Variants in BTBD7 observed in about 807,000 individuals in gnomAD.
BTBD7 encodes the protein BTB domain containing 7.
A neutral mutation model predicts 99.9 loss-of-function variants in BTBD7; 38 were observed. The ratio of observed to expected loss-of-function variants is 0.38; its 90% confidence interval spans 0.29 to 0.50. The LOEUF (loss-of-function observed/expected upper bound fraction) is 0.50. Ranked by LOEUF, BTBD7 falls within the 20% of genes least tolerant of loss-of-function variation. The probability of loss-of-function intolerance (pLI) is 0.93; values close to 1 mark genes in which losing one functional copy is unlikely to be tolerated. For missense variants in BTBD7, 1,170 were observed against 1,394.6 expected (o/e 0.84, Z 2.57); for synonymous variants, 520 against 511.4 (o/e 1.02, Z -0.23).
chr14:93,261,745 T>C, intron 4 of BTBD7, 68 bp from the exon 5 acceptor site: 2 of 1,172,744 alleles, frequency 1.7e-6, no homozygotes, highest in South Asian at 2.6e-5. Context: ...ATTAAGGACT[T>C]TTCGTAGGTG....
intron 4 of BTBD7, among the ~76,000 whole-genome samples, chr14:93,262,236 C>T (rs1338661462): frequency 6.6e-6 from 1 of 151,756 alleles, no homozygotes; most frequent in Non-Finnish European, 1.5e-5. Flanking sequence ...AGGTTCACGC[C>T]ATTCTCCTGC....
intron 3 of BTBD7, 113 bp from the exon 4 acceptor site, chr14:93,264,106 A>G: frequency 3.3e-6 from 3 of 902,618 alleles, no homozygotes; most frequent in Non-Finnish European, 5.0e-6. Context: ...ACTCAAGGAG[A>G]TAAATAAAAT....
At chr14:93,307,166 TTTTTTA>T (rs1283212279) in intron 1 of BTBD7, among the ~76,000 whole-genome samples, 4 of 152,186 alleles carry the variant, frequency 2.6e-5, no homozygotes, top group Non-Finnish European at 5.9e-5. Context: ...TGTACTTTTC[TTTTTTA>T]TTTTTAAGAG....
intron 1 of BTBD7, among the ~76,000 whole-genome samples, chr14:93,301,255 G>A (rs1414324726): frequency 1.3e-5 from 2 of 151,560 alleles, no homozygotes; most frequent in East Asian, 3.9e-4. Flanking sequence ...GCAGTAGTGC[G>A]ATCTCAGCTC....
intron 3 of BTBD7, 40 bp downstream of exon 3, chr14:93,293,818 A>G (rs769389492): frequency 2.6e-6 from 4 of 1,557,688 alleles, no homozygotes; most frequent in African/African-American, 2.8e-5. Flanking sequence ...AGATCAATAC[A>G]TAATTCTATA....
chr14:93,250,510 T>C (rs943743057), intron 8 of BTBD7, among the ~76,000 whole-genome samples: 5 of 152,268 alleles, frequency 3.3e-5, no homozygotes, highest in African/African-American at 1.2e-4. Context: ...AATATATGTA[T>C]TCAATTAAAA....
At chr14:93,296,222 T>TA in intron 1 of BTBD7, 65 bp from the exon 2 acceptor site, 1 of 1,206,002 alleles carries the variant, frequency 8.3e-7, no homozygotes, top group Non-Finnish European at 1.1e-6. Context: ...CAGTTTTTTT[T>TA]AAAAAGCTAC....
At chr14:93,261,943 C>A (rs2052493389) in intron 4 of BTBD7, among the ~76,000 whole-genome samples, 1 of 151,992 alleles carries the variant, frequency 6.6e-6, no homozygotes, top group African/African-American at 2.4e-5. Flanking sequence ...CTGTAATCTG[C>A]TCCCTTCCTA....
In BTBD7 at chr14:93,242,746, C is replaced by T. The variant is rs768130508; in HGVS notation, c.2926G>A (p.Asp976Asn). 54 of 1,614,020 alleles carry T rather than the reference C, an allele frequency of 3.3e-5. No individual in the cohort carries two copies. Among genetic ancestry groups the T allele is most frequent in the Non-Finnish European group, 4.1e-5 (48 of 1,180,036 alleles). ...GATGCCTTATTGTGGCTGTACAGAT[C>T]GGGACCAAAATATCCACCTTGCGAA... ...SPSQGGYFGP[D>N]LYSHNKASPS... Residue 976 changes from aspartate to asparagine, a missense_variant, in exon 11 of 11, where the codon GAT becomes AAT. Physicochemically the swap from Asp to Asn is conservative, Grantham distance 23. This residue lies in a region of BTBD7 where 495 missense variants were observed against 525.9 expected (regional missense o/e 0.94). Transcript: ENST00000334746.
At position 93,296,139 on chromosome 14, in the gene BTBD7, A is replaced by G. The variant is rs2052924015; in HGVS notation, c.-88T>C. 9.3e-6 allele frequency: 13 copies of G among 1,396,210 alleles called. No individual in the cohort carries two copies. Among genetic ancestry groups the G allele is most frequent in the Non-Finnish European group, 1.2e-5 (13 of 1,066,580 alleles). The allele number at this position is 1,396,210 out of a possible 1,614,324, so 86.5% of individuals were successfully genotyped here. ...ATGAACCTTCAACCCTGGATCCAGC[A>G]GCCTCTTTTCATCCATTTCTTGATA... On this transcript the variant is annotated 5_prime_UTR_variant, in exon 2 of 11. Coordinates refer to ENST00000334746, the MANE Select transcript of BTBD7 (RefSeq NM_001002860.4).
chr14:93,294,484 G>T lies in BTBD7; in HGVS notation c.536C>A (p.Ala179Glu). Residue 179 changes from alanine to glutamate, a missense_variant, in exon 3 of 11, where the codon GCA (alanine) becomes GAA (glutamate). Ala to Glu is a moderately radical substitution (Grantham distance 107, BLOSUM62 -1). This residue lies in a region of BTBD7 where 359 missense variants were observed against 497.9 expected (regional missense o/e 0.72). Coordinates refer to ENST00000334746, the MANE Select transcript of BTBD7 (RefSeq NM_001002860.4). ...TGTATTGATGTCCATTATTATCTCT[G>T]CCCCATACTCTGGTGAGGAAGAAAG... ...TLLSSSPEYG[A>E]EIIMDINTAG... 6.2e-7 allele frequency: 1 copy of T among 1,614,084 alleles called. No individual in the cohort carries two copies. The highest frequency in any genetic ancestry group is 1.7e-4 in the Middle Eastern group (1 of 6,058).
chr14:93,275,988 G>T (rs529330606), intron 3 of BTBD7, among the ~76,000 whole-genome samples: 1 of 152,160 alleles, frequency 6.6e-6, no homozygotes, highest in South Asian at 2.1e-4. Flanking sequence ...CTTAGGTGGG[G>T]CAGATCTTTT....
chr14:93,269,706 T>TA (rs1229654527), intron 3 of BTBD7, among the ~76,000 whole-genome samples: 1 of 152,232 alleles, frequency 6.6e-6, no homozygotes, highest in Non-Finnish European at 1.5e-5. Context: ...GGCAATTGTT[T>TA]AGTTTCTAAA....
intron 1 of BTBD7, among the ~76,000 whole-genome samples, chr14:93,327,946 C>T (rs1313849573): frequency 6.6e-6 from 1 of 152,074 alleles, no homozygotes; most frequent in Non-Finnish European, 1.5e-5. Flanking sequence ...ACAAAATTAA[C>T]ACACAAAAAT....
intron 6 of BTBD7, among the ~76,000 whole-genome samples, chr14:93,254,477 A>G (rs1055623273): frequency 5.9e-5 from 9 of 152,188 alleles, no homozygotes; most frequent in African/African-American, 7.2e-5. Context: ...ACATGGGCCT[A>G]TATCTACAGT....
chr14:93,310,983 A>T (rs1039124641), intron 1 of BTBD7, among the ~76,000 whole-genome samples: 6 of 151,992 alleles, frequency 3.9e-5, no homozygotes, highest in Non-Finnish European at 7.4e-5. Context: ...AAAATTCTAT[A>T]AAAAAAACTC....
At chr14:93,324,413 C>A (rs1389067702) in intron 1 of BTBD7, among the ~76,000 whole-genome samples, 1 of 69,056 alleles carries the variant, frequency 1.4e-5, no homozygotes, top group South Asian at 4.8e-4. Flanking sequence ...CAGAGCGAGA[C>A]CCTGTCTCAA....
Position 93,242,750 on chromosome 14 carries a change from A to C in BTBD7, c.2922T>G (p.Gly974=). ...TPSPSQGGYF[G]PDLYSHNKAS... is the part of the protein sequence containing the mutation. ...CCTTATTGTGGCTGTACAGATCGGG[A>C]CCAAAATATCCACCTTGCGAAGGGG... is the stretch of plus-strand genomic sequence containing the variant. The change falls in exon 11 of 11, where the codon GGT becomes GGG. Residue 974 remains glycine, a synonymous_variant. Coordinates refer to ENST00000334746, the MANE Select transcript of BTBD7 (RefSeq NM_001002860.4). The C allele has an allele frequency of 6.2e-7, 1 of 1,614,190 alleles. No individual in the cohort carries two copies. The highest frequency in any genetic ancestry group is 8.5e-7 in the Non-Finnish European group (1 of 1,180,038).
At position 93,293,946 on chromosome 14, in the gene BTBD7, G is replaced by A. The variant is rs141264989; in HGVS notation, c.1074C>T (p.Val358=). ...VGSLSEVQAL[V]AGKPNMTRAE... is the part of the protein sequence containing the mutation. ...CCCTGGTCATGTTTGGCTTCCCTGC[G>A]ACGAGAGCCTGAACTTCACTGAGAC... The change falls in exon 3 of 11, where the codon GTC becomes GTT. Residue 358 remains valine (V), a synonymous_variant. Coordinates refer to ENST00000334746, the MANE Select transcript of BTBD7 (RefSeq NM_001002860.4). The A allele has an allele frequency of 1.9e-4, 305 of 1,613,696 alleles. 1 individual carries two copies. In the African/African-American group the frequency reaches 2.8e-3, roughly 15 times the overall value.
Sources: gnomAD v4.1 joint callset for allele counts (sites outside exome capture counted in the v4.1 genomes callset) on GRCh38, gnomAD v4.1.1 for gene constraint, gnomAD v4.1.1 regional missense constraint, MANE v1.5 for transcripts, NCBI Gene and HGNC (gene_info 2026-07-23, HGNC 2026-07-21) for gene names.